The following SEMA5A variants were observed in gnomAD, a reference collection of about 807,000 sequenced individuals.
SEMA5A encodes semaphorin-5A.
Under a neutral mutation model 135.5 loss-of-function variants are expected in SEMA5A, and 55 were observed. That is an observed-to-expected ratio of 0.41 (90% confidence interval 0.33 to 0.51). The LOEUF is 0.51. Ranked by LOEUF, SEMA5A falls within the 20% of genes least tolerant of loss-of-function variation. SEMA5A has a pLI of 0.37. For synonymous variants in SEMA5A, 580 were observed against 546.5 expected, an observed-to-expected ratio of 1.06 and a Z score of -0.85; for missense variants, 1,290 against 1,419.9, an observed-to-expected ratio of 0.91 and a Z score of 1.47.
chr5:9,437,777 A>G lies in SEMA5A; in HGVS notation c.-99T>C, dbSNP rs982178002. 6.6e-6 allele frequency: 1 copy of G among 152,470 alleles called. No individual in the cohort carries two copies. The highest frequency in any genetic ancestry group is 1.5e-5 in the Non-Finnish European group (1 of 68,060). 9.4% of individuals were successfully genotyped at this position (152,470 alleles called of 1,614,324 possible). A position where few individuals can be genotyped will look rare whatever the true frequency, so the allele number is the denominator to read the frequency against. ...TTACCAAGGAGAGAGAGGATGGAGG[A>G]CGCGTTTCCTCAATCATGAATCACA... On this transcript the variant is annotated 5_prime_UTR_variant, in exon 2 of 23. Coordinates refer to ENST00000382496, the MANE Select transcript of SEMA5A (RefSeq NM_003966.3).
intron 5 of SEMA5A, among the ~76,000 whole-genome samples, chr5:9,271,920 G>A (rs112642858): frequency 6.6e-6 from 1 of 152,138 alleles, no homozygotes; most frequent in African/African-American, 2.4e-5. Flanking sequence ...TGGGGTTCCA[G>A]CACAAAACTG....
intron 13 of SEMA5A, among the ~76,000 whole-genome samples, chr5:9,134,666 A>G (rs931987231): frequency 1.3e-5 from 2 of 152,170 alleles, no homozygotes; most frequent in Non-Finnish European, 1.5e-5. Context: ...TCAGATATAT[A>G]CTAAAACAAC....
At chr5:9,332,156 C>T (rs1753168399) in intron 4 of SEMA5A, among the ~76,000 whole-genome samples, 1 of 151,172 alleles carries the variant, frequency 6.6e-6, no homozygotes, top group East Asian at 2.0e-4. Flanking sequence ...GCAAAGTGTG[C>T]AGTATGGACT....
chr5:9,373,133 C>T (rs1409472771), intron 3 of SEMA5A, among the ~76,000 whole-genome samples: 1 of 152,180 alleles, frequency 6.6e-6, no homozygotes, highest in Non-Finnish European at 1.5e-5. Flanking sequence ...AAAGAGCCAA[C>T]TCAGAGTTAC....
chr5:9,223,023 C>T (rs769469533), intron 8 of SEMA5A, among the ~76,000 whole-genome samples: 3 of 152,220 alleles, frequency 2.0e-5, no homozygotes, highest in Non-Finnish European at 4.4e-5. Flanking sequence ...CTTCCTTGGC[C>T]AGTCAGAATC....
intron 5 of SEMA5A, among the ~76,000 whole-genome samples, chr5:9,294,906 CT>C (rs1751256827): frequency 1.3e-5 from 2 of 152,278 alleles, no homozygotes; most frequent in South Asian, 4.1e-4. Context: ...CTCAATTAGC[CT>C]TTCAAATACC....
intron 8 of SEMA5A, among the ~76,000 whole-genome samples, chr5:9,223,683 C>T (rs1747132948): frequency 6.6e-6 from 1 of 152,160 alleles, no homozygotes; most frequent in South Asian, 2.1e-4. Flanking sequence ...CACTTTTGTA[C>T]AAACTATCAA....
At chr5:9,458,978 C>T (rs1363192006) in intron 1 of SEMA5A, among the ~76,000 whole-genome samples, 2 of 152,148 alleles carry the variant, frequency 1.3e-5, no homozygotes, top group Non-Finnish European at 2.9e-5. Context: ...TCTTGGAAGA[C>T]TCAGCCAATA....
intron 2 of SEMA5A, among the ~76,000 whole-genome samples, chr5:9,432,523 C>A (rs999121276): frequency 2.6e-5 from 4 of 152,128 alleles, no homozygotes; most frequent in African/African-American, 9.7e-5. Flanking sequence ...AAACCTATGT[C>A]TTCTCACTTT....
At position 9,039,224 on chromosome 5, in the gene SEMA5A, T is replaced by TGTGAA. The variant is rs1284139431; in HGVS notation, c.*3668_*3672dup. On this transcript the variant is annotated 3_prime_UTR_variant, in exon 23 of 23. Transcript: ENST00000382496. ...AGTCCAAGGGTCAGACCCATGGACC[T>TGTGAA]GTGAAGTGGGCAACCGTTTCCGGGA... 6.6e-6 allele frequency: 1 copy of TGTGAA among 152,304 alleles called. No individual in the cohort carries two copies. Among genetic ancestry groups the TGTGAA allele is most frequent in the African/African-American group, 2.4e-5 (1 of 41,468 alleles). The allele number at this position is 152,304 out of a possible 1,614,324, so 9.4% of individuals were successfully genotyped here.
chr5:9,319,707 G>A (rs1264327222), intron 4 of SEMA5A, among the ~76,000 whole-genome samples: 1 of 152,030 alleles, frequency 6.6e-6, no homozygotes, highest in Non-Finnish European at 1.5e-5. Flanking sequence ...AGATGCAAAT[G>A]AGCACGAGGT....
At chr5:9,526,545 G>A (rs1737134591) in intron 1 of SEMA5A, among the ~76,000 whole-genome samples, 1 of 152,160 alleles carries the variant, frequency 6.6e-6, no homozygotes, top group Non-Finnish European at 1.5e-5. Context: ...CTAGAACACA[G>A]TTGCTCCCAA....
intron 13 of SEMA5A, among the ~76,000 whole-genome samples, chr5:9,129,658 A>G (rs569278582): frequency 8.4e-4 from 128 of 152,348 alleles, no homozygotes; most frequent in African/African-American, 2.9e-3. Flanking sequence ...TAGTTGTGCT[A>G]TCTTCCAGAT....
intron 5 of SEMA5A, among the ~76,000 whole-genome samples, chr5:9,276,857 C>T (rs1324811756): frequency 2.0e-5 from 3 of 152,086 alleles, no homozygotes; most frequent in Non-Finnish European, 4.4e-5. Flanking sequence ...ACCATAAAAA[C>T]CCTAGAAGAA....
At chr5:9,345,525 T>TA (rs60077732) in intron 3 of SEMA5A, among the ~76,000 whole-genome samples, 100,843 of 144,654 alleles carry the variant, frequency 0.7, 35,196 homozygotes, top group South Asian at 0.78. Context: ...TTCCAGGATG[T>TA]AAAAAAAAAA....
chr5:9,323,363 T>C (rs1752713841), intron 4 of SEMA5A, among the ~76,000 whole-genome samples: 2 of 152,176 alleles, frequency 1.3e-5, no homozygotes, highest in Non-Finnish European at 2.9e-5. Flanking sequence ...CTGAGTAACT[T>C]ATTTCAAAAT....
intron 8 of SEMA5A, among the ~76,000 whole-genome samples, chr5:9,210,082 T>C (rs1248665334): frequency 6.6e-6 from 1 of 152,238 alleles, no homozygotes; most frequent in Non-Finnish European, 1.5e-5. Flanking sequence ...GTGGATTTAT[T>C]CTTTATGAGG....
rs1745906372 is a variant in SEMA5A, at chr5:9,204,574, C to CA, written c.647-2335dup. 6.6e-6 allele frequency among the ~76,000 whole-genome samples: 1 copy of CA among 152,200 alleles called. No homozygotes were observed. The highest frequency in any genetic ancestry group is 1.9e-4 in the East Asian group (1 of 5,194). On this transcript the variant is annotated intron_variant, in intron 8 of 22. Coordinates refer to ENST00000382496, the MANE Select transcript of SEMA5A (RefSeq NM_003966.3). The surrounding 1 kb of genome is among the most constrained non-coding windows in gnomAD (Gnocchi z 6.4). ...TGGTGCTTTATATCCCCATTGAACT[C>CA]ACAAGAATCACAGAGCTAGGTGCTG...
chr5:9,159,151 A>C (rs895931246), intron 11 of SEMA5A, among the ~76,000 whole-genome samples: 1 of 152,208 alleles, frequency 6.6e-6, no homozygotes. Flanking sequence ...ACATATTCCT[A>C]CTTTATAGGT....
Sources: allele counts gnomAD v4.1 joint callset (sites outside exome capture counted in the v4.1 genomes callset), GRCh38; gene constraint gnomAD v4.1.1; non-coding constraint Gnocchi (gnomAD v3.1); transcripts MANE v1.5; gene names NCBI Gene and HGNC (gene_info 2026-07-23, HGNC 2026-07-21).